The following RAP1A variants were observed in gnomAD, a reference collection of about 807,000 sequenced individuals.
RAP1A encodes the protein ras-related protein Rap-1A.
In RAP1A, 6 loss-of-function variants were observed where a neutral mutation model predicts 26.4. The ratio of observed to expected loss-of-function variants is 0.23; its 90% CI spans 0.12 to 0.45. RAP1A has a LOEUF of 0.45. Ranked by LOEUF, RAP1A falls within the 20% of genes least tolerant of loss-of-function variation. RAP1A has a pLI of 0.99. For missense variants in RAP1A, 121 were observed against 217.2 expected, an observed-to-expected ratio of 0.56 and a Z score of 2.78; for synonymous variants, 73 against 79.4, an observed-to-expected ratio of 0.92 and a Z score of 0.43.
At chr1:111,570,514 G>A (rs990603596) in intron 1 of RAP1A, among the ~76,000 whole-genome samples, 1 of 152,056 alleles carries the variant, frequency 6.6e-6, no homozygotes, top group African/African-American at 2.4e-5. Context: ...ATTCCACACT[G>A]ATTCTTCAAT....
At chr1:111,694,419 C>T (rs930956362) in intron 2 of RAP1A, among the ~76,000 whole-genome samples, 1 of 151,978 alleles carries the variant, frequency 6.6e-6, no homozygotes, top group African/African-American at 2.4e-5. Context: ...TAGATGACCT[C>T]AGTCCACATT....
intron 2 of RAP1A, among the ~76,000 whole-genome samples, chr1:111,692,196 A>G (rs960177924): frequency 1.3e-5 from 2 of 152,202 alleles, no homozygotes; most frequent in African/African-American, 4.8e-5. Context: ...GCTGTCAAGG[A>G]TGGCTCCCAA....
At chr1:111,611,477 T>C (rs759270326) in intron 1 of RAP1A, among the ~76,000 whole-genome samples, 2 of 152,248 alleles carry the variant, frequency 1.3e-5, no homozygotes, top group African/African-American at 2.4e-5. Flanking sequence ...ACTTGAATCA[T>C]AATGTCAATT....
At chr1:111,574,961 A>C (rs1412051860) in intron 1 of RAP1A, among the ~76,000 whole-genome samples, 1 of 152,258 alleles carries the variant, frequency 6.6e-6, no homozygotes, top group African/African-American at 2.4e-5. Context: ...AAAAATCCAC[A>C]AACATATATG....
chr1:111,712,689 G>A lies in RAP1A; in HGVS notation c.*288G>A, dbSNP rs1226959577. On this transcript the variant is annotated 3_prime_UTR_variant, in exon 8 of 8. Transcript: ENST00000369709. The stretch of plus-strand genomic sequence containing the variant: ...TTGACTCTAATATGATTATACAAAA[G>A]AGCATGGATGCATTTCAAATGTTAG... The A allele has an allele frequency of 6.6e-6, 1 of 152,418 alleles. No homozygotes were observed. The allele number at this position is 152,418 out of a possible 1,614,324, so 9.4% of individuals were successfully genotyped here.
At chr1:111,700,620 C>T (rs899719385) in intron 4 of RAP1A, among the ~76,000 whole-genome samples, 2 of 152,160 alleles carry the variant, frequency 1.3e-5, no homozygotes, top group African/African-American at 4.8e-5. Flanking sequence ...CATTTCTTTT[C>T]TGAACTTCGA....
chr1:111,628,475 CTT>C (rs1659466252), intron 1 of RAP1A, among the ~76,000 whole-genome samples: 1 of 152,142 alleles, frequency 6.6e-6, no homozygotes, highest in Non-Finnish European at 1.5e-5. Flanking sequence ...TGGGGCTAGA[CTT>C]TTAAGCCATT....
At chr1:111,659,728 G>T (rs575888069) in intron 1 of RAP1A, among the ~76,000 whole-genome samples, 1 of 151,842 alleles carries the variant, frequency 6.6e-6, no homozygotes, top group East Asian at 1.9e-4. Context: ...AACATTTTAT[G>T]TTACTTCATT....
At chr1:111,655,658 C>CTTT (rs34266778) in intron 1 of RAP1A, among the ~76,000 whole-genome samples, 1,376 of 85,140 alleles carry the variant, frequency 0.016, 202 homozygotes, top group African/African-American at 0.062. Flanking sequence ...TGTTCATAGT[C>CTTT]TTTTTTTTTT....
At chr1:111,684,917 A>G (rs1050501012) in intron 1 of RAP1A, among the ~76,000 whole-genome samples, 3 of 152,224 alleles carry the variant, frequency 2.0e-5, no homozygotes, top group African/African-American at 7.2e-5. Context: ...ACAGCATGGT[A>G]CTGGTACCAA....
intron 1 of RAP1A, among the ~76,000 whole-genome samples, chr1:111,654,642 C>T (rs1015446091): frequency 6.6e-6 from 1 of 151,886 alleles, no homozygotes; most frequent in African/African-American, 2.4e-5. Flanking sequence ...CATGCTTGCA[C>T]ATAATAAGTC....
In RAP1A at chr1:111,714,805, A is replaced by G. The variant is rs1169419852; in HGVS notation, c.*2404A>G. 1 of 152,234 alleles carries G rather than the reference A, an allele frequency of 6.6e-6. No homozygotes were observed. The highest frequency in any genetic ancestry group is 2.4e-5 in the African/African-American group (1 of 41,454). The allele number at this position is 152,234 out of a possible 1,614,324, so 9.4% of individuals were successfully genotyped here. ...TACCTGAAAATAAATGTATTTTTAT[A>G]GCTGAAAAATCAAGAGTTTCTAGGA... On this transcript the variant is annotated 3_prime_UTR_variant, in exon 8 of 8. Coordinates refer to ENST00000369709, the MANE Select transcript of RAP1A (RefSeq NM_002884.4).
rs556173603 is a variant in RAP1A at position 111,622,200 on chromosome 1, A to G, written c.-28+2266A>G. On this transcript the variant is annotated intron_variant, in intron 1 of 7. Transcript: ENST00000369709. ...CCAAGTTGATTTCCACACAGCAGCT[A>G]CAATGATGCTCACAAACTTCAGAAC... Among the ~76,000 whole-genome samples the G allele has an allele frequency of 5.3e-5, 8 of 152,304 alleles. No homozygotes were observed. The South Asian group carries it at 1.7e-3, about 32-fold the overall frequency.
chr1:111,713,507 G>A lies in RAP1A; in HGVS notation c.*1106G>A, dbSNP rs1662447510. 6.6e-6 allele frequency: 1 copy of A among 152,128 alleles called. No homozygotes were observed. 9.4% of individuals were successfully genotyped at this position (152,128 alleles called of 1,614,324 possible). A position where few individuals can be genotyped will look rare whatever the true frequency, so the allele number is the denominator to read the frequency against. On this transcript the variant is annotated 3_prime_UTR_variant, in exon 8 of 8. Coordinates refer to ENST00000369709, the MANE Select transcript of RAP1A (RefSeq NM_002884.4). ...TTCATCAAGGGAATCCTTTTGCATTGTTAATTTGTTGGGTGTGAGTCCACC... is the reference window on the plus strand; with the variant it reads ...TTCATCAAGGGAATCCTTTTGCATTATTAATTTGTTGGGTGTGAGTCCACC...
At chr1:111,648,174 AGTGTGTGTGTGT>A (rs143658994) in intron 1 of RAP1A, 16 of 230,978 alleles carry the variant, frequency 6.9e-5, no homozygotes, top group South Asian at 5.2e-4. Flanking sequence ...AGGTTCAAAC[AGTGTGTGTGTGT>A]GTGTGTGTGT....
chr1:111,560,545 A>G (rs1458775860), intron 1 of RAP1A, among the ~76,000 whole-genome samples: 1 of 150,668 alleles, frequency 6.6e-6, no homozygotes, highest in African/African-American at 2.5e-5. Flanking sequence ...CTGGAGTGCA[A>G]TGGCACGATC....
chr1:111,606,116 G>A (rs556031920), intron 1 of RAP1A, among the ~76,000 whole-genome samples: 4 of 152,330 alleles, frequency 2.6e-5, no homozygotes, highest in African/African-American at 9.6e-5. Flanking sequence ...CAGAAGCAAG[G>A]CTGGCATGGA....
At chr1:111,586,585 C>T (rs1658369507) in intron 1 of RAP1A, among the ~76,000 whole-genome samples, 1 of 152,182 alleles carries the variant, frequency 6.6e-6, no homozygotes, top group African/African-American at 2.4e-5. Context: ...CACATCTCAA[C>T]AACAACAAAA....
At position 111,573,041 on chromosome 1, in the gene RAP1A, C is replaced by A. The variant is rs1658079528; in HGVS notation, c.-28+30532C>A. 2.0e-5 allele frequency among the ~76,000 whole-genome samples: 3 copies of A among 152,172 alleles called. No homozygotes were observed. In the South Asian group the frequency reaches 6.2e-4, roughly 32 times the overall value. ...TGTGTTAGTTTGCTAAGGATAATGGCCTCCAGCTCCATCCATGTTCCTGCA... is the reference window on the plus strand; with the variant it reads ...TGTGTTAGTTTGCTAAGGATAATGGACTCCAGCTCCATCCATGTTCCTGCA... On this transcript the variant is annotated intron_variant, in intron 1 of 7. Transcript: ENST00000356415.
Sources: allele counts gnomAD v4.1 joint callset (sites outside exome capture counted in the v4.1 genomes callset), GRCh38; gene constraint gnomAD v4.1.1; transcripts MANE v1.5; gene names NCBI Gene and HGNC (gene_info 2026-07-23, HGNC 2026-07-21).